The following SLC26A2 variants were observed in gnomAD, a reference collection of about 807,000 sequenced individuals.
SLC26A2 encodes the protein sulfate transporter.
In SLC26A2, 36 loss-of-function variants were observed where a neutral mutation model predicts 41.1. The observed-to-expected ratio is 0.88, with a 90% CI of 0.67 to 1.16. The LOEUF (loss-of-function observed/expected upper bound fraction) is 1.16, where lower values mean the gene tolerates loss of function less well. Ranked by LOEUF, SLC26A2 falls within the 50% of genes most tolerant of loss-of-function variation. The probability of loss-of-function intolerance (pLI) is 0.00; values close to 1 mark genes in which losing one functional copy is unlikely to be tolerated. For synonymous variants in SLC26A2, 291 were observed against 311.6 expected (o/e 0.93, Z 0.70); for missense variants, 796 against 869.6 (o/e 0.92, Z 1.07).
At chr5:149,977,202 G>A (rs1755006508) in intron 1 of SLC26A2, among the ~76,000 whole-genome samples, 1 of 152,172 alleles carries the variant, frequency 6.6e-6, no homozygotes, top group Admixed American at 6.5e-5. Flanking sequence ...CAGGCATTAA[G>A]GTTAAGGTAG....
At chr5:149,961,815 C>T (rs980638689) in intron 1 of SLC26A2, among the ~76,000 whole-genome samples, 3 of 151,594 alleles carry the variant, frequency 2.0e-5, no homozygotes, top group African/African-American at 7.3e-5. Flanking sequence ...AATGGAGGGC[C>T]AAAGCTGTGG....
In SLC26A2 at chr5:149,984,043, A is replaced by C. The variant is rs1399866259; in HGVS notation, c.*2230A>C. ...ATATAATTCCAGCCAAAGATTCTGGAAAATCCCTCAGAAGGAGGGATAACA... is the reference window on the plus strand; with the variant it reads ...ATATAATTCCAGCCAAAGATTCTGGCAAATCCCTCAGAAGGAGGGATAACA... On this transcript the variant is annotated 3_prime_UTR_variant, in exon 3 of 3. Transcript: ENST00000286298. 2 of 152,264 alleles carry C rather than the reference A, an allele frequency of 1.3e-5. No homozygotes were observed. 9.4% of individuals were successfully genotyped at this position (152,264 alleles called of 1,614,324 possible). A position where few individuals can be genotyped will look rare whatever the true frequency, so the allele number is the denominator to read the frequency against.
chr5:149,974,947 A>C (rs1754968187), intron 1 of SLC26A2, among the ~76,000 whole-genome samples: 1 of 150,470 alleles, frequency 6.6e-6, no homozygotes, highest in African/African-American at 2.5e-5. Context: ...CTGGTCTTGA[A>C]CTCCTGGCCT....
chr5:149,982,542 G>GA lies in SLC26A2; in HGVS notation c.*735dup, dbSNP rs1419407402. 3.3e-5 allele frequency: 5 copies of GA among 152,172 alleles called. No individual in the cohort carries two copies. Among genetic ancestry groups the GA allele is most frequent in the Admixed American group, 2.6e-4 (4 of 15,288 alleles). 9.4% of individuals were successfully genotyped at this position (152,172 alleles called of 1,614,324 possible). A position where few individuals can be genotyped will look rare whatever the true frequency, so the allele number is the denominator to read the frequency against. On this transcript the variant is annotated 3_prime_UTR_variant, in exon 3 of 3. Transcript: ENST00000286298. ...AAGCACAAAGAGCTCTTCAAAATCA[G>GA]AAAAAACAATAGGAGTCCTTCCTTG...
At chr5:149,963,738 C>CTTTTTTTT (rs761075019) in intron 1 of SLC26A2, among the ~76,000 whole-genome samples, 1 of 78,266 alleles carries the variant, frequency 1.3e-5, no homozygotes, top group African/African-American at 6.2e-5. Context: ...ATTTGTTTAA[C>CTTTTTTTT]TTTTTTTTTT....
chr5:149,961,140 C>T (rs1754695490), intron 1 of SLC26A2, among the ~76,000 whole-genome samples, 161 bp downstream of exon 1: 1 of 152,220 alleles, frequency 6.6e-6, no homozygotes, highest in Non-Finnish European at 1.5e-5. Context: ...GGTTATTTCC[C>T]GGGTGGTCCG....
At chr5:149,967,912 G>C (rs1754832787) in intron 1 of SLC26A2, among the ~76,000 whole-genome samples, 1 of 150,604 alleles carries the variant, frequency 6.6e-6, no homozygotes, top group Non-Finnish European at 1.5e-5. Flanking sequence ...ACCCTGCCTG[G>C]CCCATTTTGC....
Position 149,981,184 on chromosome 5 carries a change from C to G in SLC26A2, c.1591C>G (p.Leu531Val), listed in dbSNP as rs747027428. ...TGCACTGCTAAGTACTGAAATAGGC[C>G]TACTTGTTGGGGTTTGTTTTTCTAT... Reference protein sequence around the residue: ...SSALLSTEIGLLVGVCFSIFC... With the variant: ...SSALLSTEIGVLVGVCFSIFC... The change falls in exon 3 of 3, where the codon CTA (leucine) becomes GTA (valine). Residue 531 changes from leucine (L) to valine (V), a missense_variant. Physicochemically the swap from Leu to Val is conservative, Grantham distance 32. Coordinates refer to ENST00000286298, the MANE Select transcript of SLC26A2 (RefSeq NM_000112.4). 11 of 1,614,044 alleles carry G rather than the reference C, an allele frequency of 6.8e-6. No individual in the cohort carries two copies. In the South Asian group the frequency reaches 1.2e-4, roughly 18 times the overall value.
intron 1 of SLC26A2, among the ~76,000 whole-genome samples, chr5:149,972,916 T>A (rs1371132043): frequency 6.6e-6 from 1 of 152,248 alleles, no homozygotes; most frequent in Non-Finnish European, 1.5e-5. Flanking sequence ...TTATCTCTAC[T>A]ATTATTACTT....
chr5:149,980,980 G>A lies in SLC26A2; in HGVS notation c.1387G>A (p.Val463Ile). Residue 463 changes from valine to isoleucine, a missense_variant, in exon 3 of 3, where the codon GTT (valine) becomes ATT (isoleucine). Physicochemically the swap from Val to Ile is conservative, Grantham distance 29. Transcript: ENST00000286298. ...GCTTTCTGGTGTGGTAACAGCCCTG[G>A]TTCTTTTGTTGGTCCTCCTAGTAAT... ...TQLSGVVTAL[V>I]LLLVLLVIAP... The A allele has an allele frequency of 6.2e-7, 1 of 1,614,104 alleles. No homozygotes were observed. Among genetic ancestry groups the A allele is most frequent in the Non-Finnish European group, 8.5e-7 (1 of 1,179,998 alleles).
At position 149,981,337 on chromosome 5, in the gene SLC26A2, C is replaced by T. The variant is rs142542254; in HGVS notation, c.1744C>T (p.Arg582Cys). The T allele has an allele frequency of 7.6e-5, 123 of 1,614,100 alleles. No individual in the cohort carries two copies. Among genetic ancestry groups the T allele is most frequent in the East Asian group, 1.3e-4 (6 of 44,884 alleles). Residue 582 changes from arginine (R) to cysteine (C), a missense_variant, in exon 3 of 3, where the codon CGC (arginine) becomes TGC (cysteine). Arg to Cys is a radical substitution (Grantham distance 180, BLOSUM62 -3). Transcript: ENST00000286298. Reference protein sequence around the residue: ...LQIKPGIKIFRFVAPLYYINK... With the variant: ...LQIKPGIKIFCFVAPLYYINK... ...GATTAAGCCAGGCATCAAGATTTTC[C>T]GCTTTGTAGCCCCTCTCTACTACAT... is the stretch of plus-strand genomic sequence containing the variant.
At chr5:149,980,158 A>G in intron 2 of SLC26A2, 135 bp from the exon 3 acceptor site, 1 of 755,212 alleles carries the variant, frequency 1.3e-6, no homozygotes, top group South Asian at 1.6e-5. Flanking sequence ...AGATTGATAT[A>G]TGATTGTGTT....
At position 149,978,204 on chromosome 5, in the gene SLC26A2, C is replaced by T; in HGVS notation, c.552C>T (p.Gly184=). 6.2e-7 allele frequency: 1 copy of T among 1,614,080 alleles called. No homozygotes were observed. Among genetic ancestry groups the T allele is most frequent in the Non-Finnish European group, 8.5e-7 (1 of 1,179,960 alleles). ...TTGACCGAGAACTACAGAAAGCTGG[C>T]TATGACAATGCCCATAGTGCTCCTT... The part of the protein sequence containing the change: ...ETVDRELQKA[G]YDNAHSAPSL... The change falls in exon 2 of 3, where the codon GGC becomes GGT. Residue 184 remains glycine, a synonymous_variant. Coordinates refer to ENST00000286298, the MANE Select transcript of SLC26A2 (RefSeq NM_000112.4).
chr5:149,970,255 C>T (rs1313508512), intron 1 of SLC26A2, among the ~76,000 whole-genome samples: 1 of 152,124 alleles, frequency 6.6e-6, no homozygotes, highest in Non-Finnish European at 1.5e-5. Flanking sequence ...CACCTGTAAT[C>T]CCAGCACTTT....
At chr5:149,976,617 C>T (rs761674792) in intron 1 of SLC26A2, among the ~76,000 whole-genome samples, 9 of 152,250 alleles carry the variant, frequency 5.9e-5, no homozygotes, top group South Asian at 2.1e-4. Context: ...TCTCTTACTC[C>T]GGTTATTAGA....
rs989353616 is a variant in SLC26A2, at chr5:149,985,521, A to G, written c.*3708A>G. 5.9e-5 allele frequency: 9 copies of G among 152,190 alleles called. No homozygotes were observed. Among genetic ancestry groups the G allele is most frequent in the Non-Finnish European group, 8.8e-5 (6 of 68,040 alleles). 9.4% of individuals were successfully genotyped at this position (152,190 alleles called of 1,614,324 possible). On this transcript the variant is annotated 3_prime_UTR_variant, in exon 3 of 3. Coordinates refer to ENST00000286298, the MANE Select transcript of SLC26A2 (RefSeq NM_000112.4). ...AACAAAACAGCAGTTCTCTGCTGCA[A>G]TATTCCCATTGACCACTTAAATGAC...
intron 1 of SLC26A2, among the ~76,000 whole-genome samples, chr5:149,964,882 A>G (rs1754778606): frequency 6.6e-6 from 1 of 152,216 alleles, no homozygotes; most frequent in East Asian, 1.9e-4. Context: ...GCAAGTCCAC[A>G]GTTATTTCAA....
chr5:149,980,304 C>T lies in SLC26A2; in HGVS notation c.711C>T (p.Gly237=), dbSNP rs780010787. 1.2e-6 allele frequency: 2 copies of T among 1,613,824 alleles called. No homozygotes were observed. The highest frequency in any genetic ancestry group is 2.2e-5 in the South Asian group (2 of 91,074). ...ATCCTTCCTTCCAGGTAGCGATGGGCTTCTTTCAAGTGGGTTTTGTTTCTG... is the reference window on the plus strand; with the variant it reads ...ATCCTTCCTTCCAGGTAGCGATGGGTTTCTTTCAAGTGGGTTTTGTTTCTG... ...FIAGVYQVAM[G]FFQVGFVSVY... is the part of the protein sequence containing the mutation. The change falls in exon 3 of 3, where the codon GGC becomes GGT. Residue 237 remains glycine (G), a synonymous_variant. Transcript: ENST00000286298.
intron 1 of SLC26A2, among the ~76,000 whole-genome samples, chr5:149,962,958 C>T (rs549949536): frequency 5.1e-4 from 78 of 151,918 alleles, no homozygotes; most frequent in African/African-American, 1.8e-3. Flanking sequence ...ATGTGAAAGA[C>T]AATTAACAAT....
Sources: gnomAD v4.1 joint callset for allele counts (sites outside exome capture counted in the v4.1 genomes callset) on GRCh38, gnomAD v4.1.1 for gene constraint, MANE v1.5 for transcripts, NCBI Gene and HGNC (gene_info 2026-07-23, HGNC 2026-07-21) for gene names.